The following NALF1 variants were observed in gnomAD, a reference collection of about 807,000 sequenced individuals.
NALF1 encodes the protein family with sequence similarity 155 member A.
A neutral mutation model predicts 48.4 loss-of-function variants in NALF1; 3 were observed. The ratio of observed to expected loss-of-function variants is 0.06; its 90% CI spans 0.03 to 0.16. The LOEUF is 0.16. NALF1 is among the 10% of genes least tolerant of loss of function. The pLI, the probability that NALF1 is intolerant of heterozygous loss-of-function variation, is 1.00. For synonymous variants in NALF1, 262 were observed against 245.7 expected (o/e 1.07, Z -0.62); for missense variants, 526 against 571.5 (o/e 0.92, Z 0.81).
At chr13:107,505,667 T>A (rs1418271158) in intron 1 of NALF1, among the ~76,000 whole-genome samples, 1 of 151,728 alleles carries the variant, frequency 6.6e-6, no homozygotes, top group East Asian at 1.9e-4. Context: ...AGATTAGGAG[T>A]CCCATCAGGC....
intron 2 of NALF1, among the ~76,000 whole-genome samples, chr13:107,206,231 C>A (rs1879636851): frequency 6.6e-6 from 1 of 152,128 alleles, no homozygotes; most frequent in Non-Finnish European, 1.5e-5. Flanking sequence ...CAAGAGAAAT[C>A]TCAGGCAAAG....
At chr13:107,549,484 A>G (rs1877228994) in intron 1 of NALF1, among the ~76,000 whole-genome samples, 1 of 152,208 alleles carries the variant, frequency 6.6e-6, no homozygotes, top group Non-Finnish European at 1.5e-5. Flanking sequence ...TACAAATTTC[A>G]GTCTTTAATT....
chr13:107,262,489 C>T (rs1189485528), intron 1 of NALF1, among the ~76,000 whole-genome samples: 1 of 152,144 alleles, frequency 6.6e-6, no homozygotes, highest in Non-Finnish European at 1.5e-5. Context: ...TTATACTATA[C>T]ATCAAACCAA....
chr13:107,734,807 T>C (rs1180453836), intron 1 of NALF1, among the ~76,000 whole-genome samples: 1 of 152,134 alleles, frequency 6.6e-6, no homozygotes, highest in Admixed American at 6.6e-5. Context: ...ATTGACAGTA[T>C]ACGCACCATA....
intron 1 of NALF1, among the ~76,000 whole-genome samples, chr13:107,786,648 C>T (rs1045717973): frequency 1.3e-5 from 2 of 148,746 alleles, no homozygotes; most frequent in Admixed American, 1.3e-4. Flanking sequence ...AGAAGAATCA[C>T]TTGAACCTGG....
chr13:107,338,807 G>A lies in NALF1; in HGVS notation c.916-128052C>T, dbSNP rs556683427. On this transcript the variant is annotated intron_variant, in intron 1 of 2. Transcript: ENST00000375915. ...GACCTGTTTGCCCCGCGTGTTTCCCGAAGATGTGGGTGCAAAACAATTCTA... is the reference window on the plus strand; with the variant it reads ...GACCTGTTTGCCCCGCGTGTTTCCCAAAGATGTGGGTGCAAAACAATTCTA... Among the ~76,000 whole-genome samples the A allele has an allele frequency of 1.1e-4, 17 of 152,198 alleles. No homozygotes were observed. In the East Asian group the frequency reaches 2.9e-3, roughly 26 times the overall value.
At chr13:107,778,004 T>C (rs1877786624) in intron 1 of NALF1, among the ~76,000 whole-genome samples, 1 of 152,262 alleles carries the variant, frequency 6.6e-6, no homozygotes, top group Non-Finnish European at 1.5e-5. Flanking sequence ...CTGATTCATT[T>C]GCTGATGAAT....
At chr13:107,613,305 C>G (rs1879290567) in intron 1 of NALF1, among the ~76,000 whole-genome samples, 1 of 152,136 alleles carries the variant, frequency 6.6e-6, no homozygotes, top group African/African-American at 2.4e-5. Context: ...CTACTGAAAA[C>G]ATTACAAAAA....
rs999236900 is a variant in NALF1 at position 107,513,033 on chromosome 13, G to C, written c.916-302278C>G. ...AATAGACATCAAAACAGCACCACTT[G>C]AATTCACTTCAAGCCAATATGTCTT... On this transcript the variant is annotated intron_variant, in intron 1 of 2. Coordinates refer to ENST00000375915, the MANE Select transcript of NALF1 (RefSeq NM_001080396.3). Among the ~76,000 whole-genome samples the C allele has an allele frequency of 4.6e-5, 7 of 152,210 alleles. 1 individual carries two copies. Among genetic ancestry groups the C allele is most frequent in the Admixed American group, 4.6e-4 (7 of 15,286 alleles).
At chr13:107,280,983 A>C (rs1881375347) in intron 1 of NALF1, among the ~76,000 whole-genome samples, 1 of 152,220 alleles carries the variant, frequency 6.6e-6, no homozygotes, top group African/African-American at 2.4e-5. Flanking sequence ...AATATTTTCT[A>C]TGAAATAAAC....
intron 1 of NALF1, among the ~76,000 whole-genome samples, chr13:107,298,389 G>GAC (rs1392727897): frequency 6.3e-4 from 53 of 83,856 alleles, no homozygotes; most frequent in African/African-American, 2.2e-3. Context: ...AAGACAAAAA[G>GAC]ACACACACAC....
At chr13:107,614,585 G>C (rs1270716190) in intron 1 of NALF1, among the ~76,000 whole-genome samples, 3 of 152,098 alleles carry the variant, frequency 2.0e-5, no homozygotes, top group African/African-American at 7.2e-5. Context: ...TGGGAAAATA[G>C]AAAACTGCTG....
intron 1 of NALF1, among the ~76,000 whole-genome samples, chr13:107,687,486 T>C (rs1881462264): frequency 1.0e-5 from 1 of 98,216 alleles, no homozygotes; most frequent in Non-Finnish European, 2.2e-5. Flanking sequence ...AAGAAAGAAA[T>C]TGATCCAGTG....
chr13:107,722,789 T>C (rs1230286060), intron 1 of NALF1, among the ~76,000 whole-genome samples: 1 of 152,130 alleles, frequency 6.6e-6, no homozygotes, highest in Non-Finnish European at 1.5e-5. Flanking sequence ...GAATCACAGA[T>C]GCTGCAGAGA....
chr13:107,419,437 T>C (rs1385894253), intron 1 of NALF1, among the ~76,000 whole-genome samples: 1 of 152,198 alleles, frequency 6.6e-6, no homozygotes, highest in African/African-American at 2.4e-5. Flanking sequence ...AAATGAGATA[T>C]AAGTTTTGTA....
chr13:107,211,730 C>T (rs762652213), intron 1 of NALF1, among the ~76,000 whole-genome samples: 15 of 151,938 alleles, frequency 9.9e-5, no homozygotes, highest in Non-Finnish European at 5.9e-5. Flanking sequence ...AACATTTTGC[C>T]GGTTATATTT....
chr13:107,654,301 T>G (rs145965081), intron 1 of NALF1, among the ~76,000 whole-genome samples: 1 of 152,270 alleles, frequency 6.6e-6, no homozygotes, highest in Non-Finnish European at 1.5e-5. Context: ...AACTGTAGTT[T>G]TTGCATTACT....
At chr13:107,327,928 C>CT (rs140017313) in intron 1 of NALF1, among the ~76,000 whole-genome samples, 10,002 of 148,788 alleles carry the variant, frequency 0.067, 511 homozygotes, top group African/African-American at 0.14. Flanking sequence ...TTACTTTTTC[C>CT]TTTTTTTTTT....
At chr13:107,299,472 A>AATAATAATTAT (rs1344151094) in intron 1 of NALF1, among the ~76,000 whole-genome samples, 1 of 30,064 alleles carries the variant, frequency 3.3e-5, no homozygotes, top group African/African-American at 1.1e-4. Flanking sequence ...TAATAATAAT[A>AATAATAATTAT]AATAAATAAA....
Sources: allele counts gnomAD v4.1 joint callset (sites outside exome capture counted in the v4.1 genomes callset), GRCh38; gene constraint gnomAD v4.1.1; transcripts MANE v1.5; gene names NCBI Gene and HGNC (gene_info 2026-07-23, HGNC 2026-07-21).